Variants in ADAM22 observed in about 807,000 individuals in gnomAD.
ADAM22 encodes disintegrin and metalloproteinase domain-containing protein 22.
Under a neutral mutation model 144.6 loss-of-function variants are expected in ADAM22, and 65 were observed. The observed-to-expected ratio is 0.45, with a 90% CI of 0.37 to 0.55. ADAM22 has a LOEUF of 0.55. Among genes scored for constraint, ADAM22 ranks in the 20% least tolerant of loss-of-function variants. ADAM22 has a pLI of 0.00. For synonymous variants in ADAM22, 391 were observed against 412.6 expected, an observed-to-expected ratio of 0.95 and a Z score of 0.63; for missense variants, 974 against 1,184.9, an observed-to-expected ratio of 0.82 and a Z score of 2.61.
At chr7:87,982,108 C>CAT (rs1554373109) in intron 3 of ADAM22, among the ~76,000 whole-genome samples, 2 of 125,184 alleles carry the variant, frequency 1.6e-5, no homozygotes, top group Non-Finnish European at 3.1e-5. Flanking sequence ...CACACACACA[C>CAT]ATGCATACAC....
At chr7:88,069,582 G>A (rs969137835) in intron 3 of ADAM22, among the ~76,000 whole-genome samples, 2 of 152,128 alleles carry the variant, frequency 1.3e-5, no homozygotes, top group Non-Finnish European at 1.5e-5. Context: ...CAAATTATTT[G>A]TATTTATCAC....
intron 3 of ADAM22, among the ~76,000 whole-genome samples, chr7:88,031,702 G>C (rs1261797342): frequency 1.3e-5 from 2 of 152,246 alleles, no homozygotes; most frequent in African/African-American, 2.4e-5. Flanking sequence ...CCTGGAAGGT[G>C]TTTCAGAGAC....
At chr7:88,145,281 T>A in intron 16 of ADAM22, 85 bp downstream of exon 16, 1 of 1,513,796 alleles carries the variant, frequency 6.6e-7, no homozygotes, top group Non-Finnish European at 9.1e-7. Flanking sequence ...GGAGCAAATG[T>A]CATGCCTGGA....
At chr7:88,134,225 C>A in intron 12 of ADAM22, 104 bp from the exon 13 acceptor site, 1 of 838,448 alleles carries the variant, frequency 1.2e-6, no homozygotes, top group Non-Finnish European at 1.8e-6. Context: ...AAAGAAATTG[C>A]TTAGAAATTA....
At position 87,935,196 on chromosome 7, in the gene ADAM22, T is replaced by A. The variant is rs774665520; in HGVS notation, c.246+10T>A. The A allele has an allele frequency of 2.1e-5, 34 of 1,588,212 alleles. 1 individual carries two copies. In the South Asian group the frequency reaches 3.8e-4, roughly 18 times the overall value. On this transcript the variant is annotated intron_variant, in intron 2 of 31. Coordinates refer to ENST00000413139, the MANE Select transcript of ADAM22 (RefSeq NM_001324418.2). ...CCTCGGTGGCCCGCAGGTGAGAGGC[T>A]CGGTCCGGGAGGTGGTCCTCCGCGC...
intron 29 of ADAM22, chr7:88,185,906 T>C (rs1342298123): frequency 6.6e-6 from 1 of 152,232 alleles, no homozygotes; most frequent in Non-Finnish European, 1.5e-5. Context: ...ATGAGCACTT[T>C]ATTCTGGAGT....
intron 22 of ADAM22, among the ~76,000 whole-genome samples, chr7:88,158,522 A>G (rs1026319661): frequency 6.6e-6 from 1 of 152,118 alleles, no homozygotes; most frequent in Non-Finnish European, 1.5e-5. Flanking sequence ...TCCTCAGCAA[A>G]TGCTAGCTAG....
At chr7:87,935,858 A>T (rs1584413502) in intron 2 of ADAM22, among the ~76,000 whole-genome samples, 1 of 152,338 alleles carries the variant, frequency 6.6e-6, no homozygotes, top group Non-Finnish European at 1.5e-5. Flanking sequence ...ATCTGTATTT[A>T]AATCAAGATC....
chr7:88,007,039 G>A (rs926124437), intron 3 of ADAM22, among the ~76,000 whole-genome samples: 12 of 152,176 alleles, frequency 7.9e-5, no homozygotes, highest in African/African-American at 2.7e-4. Context: ...AAGTTGTTAA[G>A]CAACTTCAGC....
intron 3 of ADAM22, among the ~76,000 whole-genome samples, chr7:88,027,812 T>A (rs1799357587): frequency 6.6e-6 from 1 of 152,074 alleles, no homozygotes; most frequent in Non-Finnish European, 1.5e-5. Flanking sequence ...CTACCTTTTT[T>A]TTTTTTTCTG....
At chr7:88,100,635 T>C (rs1822657354) in intron 4 of ADAM22, among the ~76,000 whole-genome samples, 1 of 152,200 alleles carries the variant, frequency 6.6e-6, no homozygotes, top group Non-Finnish European at 1.5e-5. Flanking sequence ...GAATTTCCAT[T>C]ATGCAGCTGG....
intron 3 of ADAM22, among the ~76,000 whole-genome samples, chr7:87,997,843 TA>T (rs956920395): frequency 1.3e-5 from 2 of 152,230 alleles, no homozygotes; most frequent in Admixed American, 1.3e-4. Flanking sequence ...GATAGATGTA[TA>T]TATGAAAGAG....
At chr7:88,152,079 A>G (rs759702075) in intron 20 of ADAM22, among the ~76,000 whole-genome samples, 5 of 152,192 alleles carry the variant, frequency 3.3e-5, no homozygotes, top group Admixed American at 1.3e-4. Context: ...AGGTGCCACA[A>G]TCCTTTTAGG....
At chr7:87,947,647 C>T (rs1035781817) in intron 2 of ADAM22, among the ~76,000 whole-genome samples, 1 of 152,128 alleles carries the variant, frequency 6.6e-6, no homozygotes, top group Admixed American at 6.6e-5. Flanking sequence ...AGACAATGTT[C>T]TCTCATAGTT....
At chr7:88,110,464 CAGAG>C (rs1311088654) in intron 5 of ADAM22, among the ~76,000 whole-genome samples, 6 of 151,954 alleles carry the variant, frequency 3.9e-5, no homozygotes, top group African/African-American at 1.4e-4. Context: ...TTGTGAGAAT[CAGAG>C]AGAAGATATT....
intron 22 of ADAM22, among the ~76,000 whole-genome samples, chr7:88,160,349 A>T (rs1841240040): frequency 6.6e-6 from 1 of 152,198 alleles, no homozygotes; most frequent in Non-Finnish European, 1.5e-5. Flanking sequence ...TACAGATTAA[A>T]TGCTATTGCT....
rs1267685706 is a variant in ADAM22 at position 88,108,204 on chromosome 7, A to G, written c.419A>G (p.His140Arg). 1.2e-6 allele frequency: 2 copies of G among 1,613,886 alleles called. No homozygotes were observed. Among genetic ancestry groups the G allele is most frequent in the South Asian group, 1.1e-5 (1 of 91,060 alleles). ...KGGEHCYYQGHIRGNPDSFVA... is the reference protein window; with the variant it reads ...KGGEHCYYQGRIRGNPDSFVA... ...GGAGAGCACTGTTACTACCAGGGCC[A>G]TATCCGAGGAAACCCTGACTCATTT... Residue 140 changes from histidine (H) to arginine (R), a missense_variant, in exon 5 of 32, where the codon CAT becomes CGT. Around this residue, in one of 2 missense-constraint regions of ADAM22, gnomAD observed 240 missense variants for 234.3 expected, o/e 1.02. Transcript: ENST00000413139.
chr7:88,014,703 A>C (rs539031169), intron 3 of ADAM22, among the ~76,000 whole-genome samples: 18 of 152,340 alleles, frequency 1.2e-4, no homozygotes, highest in African/African-American at 4.1e-4. Flanking sequence ...TGGGCCCTCT[A>C]AGAATTTGCC....
chr7:88,119,584 G>A (rs759690849), intron 7 of ADAM22, among the ~76,000 whole-genome samples: 9 of 152,170 alleles, frequency 5.9e-5, no homozygotes, highest in Non-Finnish European at 1.2e-4. Context: ...TGCCCCCTGG[G>A]TTCAAGCAGT....
Sources: allele counts gnomAD v4.1 joint callset (sites outside exome capture counted in the v4.1 genomes callset), GRCh38; gene constraint gnomAD v4.1.1; regional missense constraint gnomAD v4.1.1; transcripts MANE v1.5; gene names NCBI Gene and HGNC (gene_info 2026-07-23, HGNC 2026-07-21).